ZNF488: variants seen among roughly 807,000 people sequenced by gnomAD.
ZNF488 encodes the protein zinc finger protein 488.
A neutral mutation model predicts 1.2 loss-of-function variants in ZNF488; 1 was observed. That is an observed-to-expected ratio of 0.86 (90% confidence interval 0.30 to 4.07). The LOEUF (loss-of-function observed/expected upper bound fraction) is 4.07, where lower values mean the gene tolerates loss of function less well. Among genes scored for constraint, ZNF488 ranks in the 30% most tolerant of loss-of-function variants. The probability of loss-of-function intolerance (pLI) is 0.18; values close to 1 mark genes in which losing one functional copy is unlikely to be tolerated. For missense variants in ZNF488, 450 were observed against 437.9 expected, an observed-to-expected ratio of 1.03 and a Z score of -0.25; for synonymous variants, 185 against 190.1, an observed-to-expected ratio of 0.97 and a Z score of 0.22.
At chr10:47,380,550 C>T (rs1388018743) in intron 1 of ZNF488, among the ~76,000 whole-genome samples, 1 of 152,236 alleles carries the variant, frequency 6.6e-6, no homozygotes, top group African/African-American at 2.4e-5. Context: ...GTGCTGCATC[C>T]TGGGAGATGA....
At chr10:47,370,402 C>T (rs1290947357) in intron 1 of ZNF488, among the ~76,000 whole-genome samples, 1 of 152,258 alleles carries the variant, frequency 6.6e-6, no homozygotes, top group East Asian at 1.9e-4. Flanking sequence ...CCCAGCTTTT[C>T]CTTAGGGAAA....
intron 1 of ZNF488, among the ~76,000 whole-genome samples, chr10:47,370,898 C>T (rs1555213799): frequency 1.3e-5 from 2 of 152,328 alleles, no homozygotes; most frequent in African/African-American, 4.8e-5. Flanking sequence ...TTCATTGATT[C>T]CCTCTTCCGT....
chr10:47,368,287 AGG>A lies in ZNF488; in HGVS notation c.541_542del (p.Pro181CysfsTer35). On this transcript the variant is annotated frameshift_variant, in exon 2 of 2. Transcript: ENST00000585316. LOFTEE classifies it low-confidence loss of function (END_TRUNC). ...CCAGGGCATCTGCAGATTCCCCTGCAGGGAAGACTGAGGTTAGCTCAGGCCTC... is the reference window on the plus strand; with the variant it reads ...CCAGGGCATCTGCAGATTCCCCTGCAGAAGACTGAGGTTAGCTCAGGCCTC... ...AERPELTSVF[P>X]AGESADALGE... The A allele has an allele frequency of 2.5e-6, 4 of 1,614,206 alleles. No homozygotes were observed. The highest frequency in any genetic ancestry group is 3.4e-6 in the Non-Finnish European group (4 of 1,180,034).
At chr10:47,375,857 A>G (rs563020183) in intron 1 of ZNF488, among the ~76,000 whole-genome samples, 2 of 152,182 alleles carry the variant, frequency 1.3e-5, no homozygotes, top group Non-Finnish European at 2.9e-5. Flanking sequence ...ACCCTCCTGG[A>G]AGAGGCAGGA....
intron 1 of ZNF488, among the ~76,000 whole-genome samples, chr10:47,379,171 G>A (rs1487981036): frequency 2.6e-5 from 4 of 152,172 alleles, no homozygotes; most frequent in East Asian, 1.9e-4. Context: ...ACCATTTATC[G>A]GCTACGTAAG....
At chr10:47,382,026 G>A (rs1555215542) in intron 1 of ZNF488, among the ~76,000 whole-genome samples, 1 of 152,256 alleles carries the variant, frequency 6.6e-6, no homozygotes, top group Admixed American at 6.5e-5. Flanking sequence ...GGTCACTCAG[G>A]CGCCAGGGCA....
At chr10:47,369,512 TG>T (rs34492159) in intron 1 of ZNF488, among the ~76,000 whole-genome samples, 16,507 of 152,214 alleles carry the variant, frequency 0.11, 1,379 homozygotes, top group East Asian at 0.41. Context: ...CAGCCCTCTC[TG>T]TCCCGACCCT....
Position 47,368,781 on chromosome 10 carries a change from T to C in ZNF488, c.49A>G (p.Thr17Ala), listed in dbSNP as rs1837347512. ...GGGGCTCCCTTCCCAGCTGCCATGG[T>C]GATCACCAGGGCCGGGGCCACAGAT... Reference protein sequence around the residue: ...CLSVAPALVITMAAGKGAPLS... With the variant: ...CLSVAPALVIAMAAGKGAPLS... Residue 17 changes from threonine to alanine, a missense_variant, in exon 2 of 2, where the codon ACC becomes GCC. Physicochemically the swap from Thr to Ala is moderately conservative, Grantham distance 58. Coordinates refer to ENST00000585316, the MANE Select transcript of ZNF488 (RefSeq NM_153034.4). 1 of 1,610,432 alleles carries C rather than the reference T, an allele frequency of 6.2e-7. No homozygotes were observed. The highest frequency in any genetic ancestry group is 1.7e-5 in the Admixed American group (1 of 59,812).
intron 1 of ZNF488, among the ~76,000 whole-genome samples, chr10:47,372,227 T>C (rs1263844450): frequency 6.6e-6 from 1 of 152,056 alleles, no homozygotes; most frequent in African/African-American, 2.4e-5. Flanking sequence ...GGAGAATGCA[T>C]GTGGAGTTCA....
chr10:47,372,196 G>C (rs1290993701), intron 1 of ZNF488, among the ~76,000 whole-genome samples: 1 of 152,206 alleles, frequency 6.6e-6, no homozygotes, highest in Non-Finnish European at 1.5e-5. Context: ...TGGAGAGTAG[G>C]GTGAGTGTGC....
chr10:47,368,795 G>C lies in ZNF488; in HGVS notation c.35C>G (p.Pro12Arg). 6.2e-7 allele frequency: 1 copy of C among 1,603,484 alleles called. No homozygotes were observed. The highest frequency in any genetic ancestry group is 8.5e-7 in the Non-Finnish European group (1 of 1,175,244). The change falls in exon 2 of 2, where the codon CCG (proline) becomes CGG (arginine). Residue 12 changes from proline to arginine, a missense_variant. Pro to Arg is a moderately radical substitution (Grantham distance 103). Coordinates refer to ENST00000585316, the MANE Select transcript of ZNF488 (RefSeq NM_153034.4). The stretch of plus-strand genomic sequence containing the variant: ...AGCTGCCATGGTGATCACCAGGGCC[G>C]GGGCCACAGATAAGCAAGGTGGCCA... ...PEWPPCLSVA[P>R]ALVITMAAGK...
Position 47,368,484 on chromosome 10 carries a change from G to A in ZNF488, c.346C>T (p.Gln116Ter). ...TCATCGTGCTCCCTCTCCTGGGCCT[G>A]AGCATCCACCTGCCGGTCCTTCATC... ...PRMKDRQVDA[Q>*]AQEREHDDPT... The change falls in exon 2 of 2, where the codon CAG becomes TAG. Residue 116 changes from glutamine (Q) to a stop codon, truncating the protein, a stop_gained. Coordinates refer to ENST00000585316, the MANE Select transcript of ZNF488 (RefSeq NM_153034.4). LOFTEE classifies it low-confidence loss of function (END_TRUNC). 2 of 1,613,692 alleles carry A rather than the reference G, an allele frequency of 1.2e-6. No individual in the cohort carries two copies. Among genetic ancestry groups the A allele is most frequent in the East Asian group, 2.2e-5 (1 of 44,868 alleles).
At position 47,368,705 on chromosome 10, in the gene ZNF488, C is replaced by G; in HGVS notation, c.125G>C (p.Gly42Ala). The G allele has an allele frequency of 6.2e-7, 1 of 1,612,948 alleles. No homozygotes were observed. The highest frequency in any genetic ancestry group is 1.7e-4 in the Middle Eastern group (1 of 6,058). The change falls in exon 2 of 2, where the codon GGC becomes GCC. Residue 42 changes from glycine to alanine, a missense_variant. By Grantham distance (60) the Gly-to-Ala change is moderately conservative (BLOSUM62 0). Transcript: ENST00000585316. ...GAGCAGCACTGGCTTGCAGCCCCGGCCCAGCTCAGGTTCGCTAAGTCGCCA... is the reference window on the plus strand; with the variant it reads ...GAGCAGCACTGGCTTGCAGCCCCGGGCCAGCTCAGGTTCGCTAAGTCGCCA... ...NRWRLSEPEL[G>A]RGCKPVLLEK...
intron 1 of ZNF488, among the ~76,000 whole-genome samples, chr10:47,373,009 G>A (rs1837541739): frequency 1.3e-5 from 2 of 152,306 alleles, no homozygotes; most frequent in Admixed American, 1.3e-4. Context: ...CCACACCTAT[G>A]GCAGACTGAG....
In ZNF488 at chr10:47,368,016, A is replaced by C; in HGVS notation, c.814T>G (p.Ser272Ala). The C allele has an allele frequency of 6.2e-7, 1 of 1,614,082 alleles. No homozygotes were observed. Among genetic ancestry groups the C allele is most frequent in the South Asian group, 1.1e-5 (1 of 91,080 alleles). The change falls in exon 2 of 2, where the codon TCC (serine) becomes GCC (alanine). Residue 272 changes from serine to alanine, a missense_variant. By Grantham distance (99) the Ser-to-Ala change is moderately conservative (BLOSUM62 1). Transcript: ENST00000585316. ...LPPTLTSLGL[S>A]TQNWCAKCNL... ...CACTTTGCACACCAGTTCTGGGTGG[A>C]CAAGCCCAGGGAGGTGAGGGTGGGT...
chr10:47,375,442 A>T (rs566643519), intron 1 of ZNF488, among the ~76,000 whole-genome samples: 39 of 152,330 alleles, frequency 2.6e-4, no homozygotes, highest in Admixed American at 9.8e-4. Context: ...GGGATTATTT[A>T]TGGAAATGCT....
At chr10:47,375,916 C>T (rs940656295) in intron 1 of ZNF488, among the ~76,000 whole-genome samples, 9 of 152,128 alleles carry the variant, frequency 5.9e-5, no homozygotes, top group East Asian at 5.8e-4. Context: ...GCAGAAAGAA[C>T]GGCACACGCG....
intron 1 of ZNF488, among the ~76,000 whole-genome samples, chr10:47,374,619 C>A (rs1312143393): frequency 6.6e-6 from 1 of 152,174 alleles, no homozygotes; most frequent in Non-Finnish European, 1.5e-5. Context: ...AGAGACCAAG[C>A]TTGGGAGCTC....
chr10:47,368,276 G>A lies in ZNF488; in HGVS notation c.554C>T (p.Ser185Phe). ...AGACAGCTCCCCCAGGGCATCTGCA[G>A]ATTCCCCTGCAGGGAAGACTGAGGT... ...ELTSVFPAGE[S>F]ADALGELSGL... Residue 185 changes from serine to phenylalanine, a missense_variant, in exon 2 of 2, where the codon TCT becomes TTT. Transcript: ENST00000585316. 1.2e-6 allele frequency: 2 copies of A among 1,614,244 alleles called. No homozygotes were observed. Among genetic ancestry groups the A allele is most frequent in the South Asian group, 2.2e-5 (2 of 91,092 alleles).
Sources: gnomAD v4.1 joint callset for allele counts (sites outside exome capture counted in the v4.1 genomes callset) on GRCh38, gnomAD v4.1.1 for gene constraint, MANE v1.5 for transcripts, NCBI Gene and HGNC (gene_info 2026-07-23, HGNC 2026-07-21) for gene names.